Variants in STAU2 observed in about 807,000 individuals in gnomAD.
The protein encoded by STAU2 is double-stranded RNA-binding protein Staufen homolog 2.
STAU2 carries 20 observed loss-of-function variants against 65.9 expected under a neutral mutation model. The observed-to-expected ratio is 0.30, with a 90% CI of 0.21 to 0.44. The LOEUF is 0.44. Ranked by LOEUF, STAU2 falls within the 20% of genes least tolerant of loss-of-function variation. STAU2 has a pLI of 1.00. For missense variants in STAU2, 558 were observed against 683.9 expected, an observed-to-expected ratio of 0.82 and a Z score of 2.05; for synonymous variants, 232 against 233.9, an observed-to-expected ratio of 0.99 and a Z score of 0.07.
chr8:73,602,684 C>T (rs1811717914), intron 10 of STAU2, among the ~76,000 whole-genome samples: 1 of 151,158 alleles, frequency 6.6e-6, no homozygotes, highest in African/African-American at 2.4e-5. Context: ...GATCATGCCA[C>T]CGTACTCCAG....
intron 11 of STAU2, among the ~76,000 whole-genome samples, chr8:73,592,879 C>T (rs541585796): frequency 1.9e-4 from 29 of 152,148 alleles, no homozygotes; most frequent in African/African-American, 6.7e-4. Context: ...CAAAAAAATC[C>T]TGTTTTTGCT....
At chr8:73,608,499 C>G (rs1386824609) in intron 9 of STAU2, among the ~76,000 whole-genome samples, 2 of 150,920 alleles carry the variant, frequency 1.3e-5, no homozygotes, top group African/African-American at 4.9e-5. Context: ...CCCAGCTACT[C>G]AGGAGGCTGA....
chr8:73,464,819 A>G (rs1192180419), intron 13 of STAU2, among the ~76,000 whole-genome samples: 2 of 152,238 alleles, frequency 1.3e-5, no homozygotes, highest in African/African-American at 2.4e-5. Flanking sequence ...AGATGAAGTT[A>G]TATCACCAAC....
At chr8:73,430,391 T>A (rs1817175133) in intron 13 of STAU2, among the ~76,000 whole-genome samples, 1 of 152,154 alleles carries the variant, frequency 6.6e-6, no homozygotes, top group African/African-American at 2.4e-5. Flanking sequence ...GACAGAACCC[T>A]CAGAGCGGCT....
intron 11 of STAU2, among the ~76,000 whole-genome samples, chr8:73,586,646 C>CAAAAAAAAAAAAA (rs56687221): frequency 1.6e-5 from 1 of 62,740 alleles, no homozygotes; most frequent in African/African-American, 4.8e-5. Flanking sequence ...AAAAAAAATG[C>CAAAAAAAAAAAAA]AAAAAAAAAA....
chr8:73,589,946 A>G (rs566555471), intron 11 of STAU2, among the ~76,000 whole-genome samples: 16 of 151,616 alleles, frequency 1.1e-4, no homozygotes, highest in African/African-American at 3.6e-4. Context: ...GGAGGAGGAT[A>G]AAGAAGACAA....
At position 73,446,649 on chromosome 8, in the gene STAU2, A is replaced by AT. The variant is rs563537046; in HGVS notation, c.1531-23948dup. Among the ~76,000 whole-genome samples the AT allele has an allele frequency of 1.5e-4, 23 of 152,196 alleles. 1 individual carries two copies. The South Asian group carries it at 3.7e-3, about 25-fold the overall frequency. Reference sequence around the variant, plus strand: ...TACATTTTTAATTTAATTTAATTTAATTTTTTTTAAAGACTGGGTCTCACT... The same window carrying AT: ...TACATTTTTAATTTAATTTAATTTAATTTTTTTTTAAAGACTGGGTCTCACT... On this transcript the variant is annotated intron_variant, in intron 13 of 14. Coordinates refer to ENST00000524300, the MANE Select transcript of STAU2 (RefSeq NM_001164380.2).
At chr8:73,733,549 T>C (rs1384382593) in intron 3 of STAU2, among the ~76,000 whole-genome samples, 1 of 152,212 alleles carries the variant, frequency 6.6e-6, no homozygotes, top group African/African-American at 2.4e-5. Flanking sequence ...CTCCCGTTGG[T>C]TATCTGTTGA....
At chr8:73,747,280 C>T, upstream of STAU2, 2 of 1,348,704 alleles carry the variant, frequency 1.5e-6, no homozygotes, top group Non-Finnish European at 2.0e-6. Context: ...CAAGGGTGGG[C>T]CTGGGGCAGC....
intron 12 of STAU2, among the ~76,000 whole-genome samples, chr8:73,560,807 G>C (rs1471619565): frequency 6.6e-6 from 1 of 152,196 alleles, no homozygotes; most frequent in Non-Finnish European, 1.5e-5. Context: ...TTTCAAAAAT[G>C]TTTTAAAGAT....
At chr8:73,713,259 T>C (rs1428008046) in intron 3 of STAU2, among the ~76,000 whole-genome samples, 1 of 152,190 alleles carries the variant, frequency 6.6e-6, no homozygotes, top group Admixed American at 6.5e-5. Flanking sequence ...TCACAAAATG[T>C]CCTGGACTCT....
chr8:73,635,946 ACACACC>A (rs745470831), intron 6 of STAU2, among the ~76,000 whole-genome samples: 20,779 of 113,254 alleles, frequency 0.18, 1,701 homozygotes, highest in East Asian at 0.38. Context: ...ACACACACAC[ACACACC>A]CCTGGAACCA....
chr8:73,716,001 G>A (rs1586336396), intron 3 of STAU2, among the ~76,000 whole-genome samples: 4 of 152,028 alleles, frequency 2.6e-5, no homozygotes, highest in African/African-American at 4.8e-5. Context: ...TGCAAGCTCC[G>A]CCTCCCAAGC....
In STAU2 at chr8:73,592,005, T is replaced by C. The variant is rs1810854683; in HGVS notation, c.1161+3161A>G. On this transcript the variant is annotated intron_variant, in intron 11 of 14. Transcript: ENST00000524300. Reference sequence around the variant, plus strand: ...AGAAAAATTCACAGCATTAAATGCTTATATTAGAAAAAAGAAAGTTCTCAG... The same window carrying C: ...AGAAAAATTCACAGCATTAAATGCTCATATTAGAAAAAAGAAAGTTCTCAG... 3.3e-5 allele frequency among the ~76,000 whole-genome samples: 5 copies of C among 150,640 alleles called. No homozygotes were observed. The South Asian group carries it at 1.0e-3, about 32-fold the overall frequency.
At chr8:73,626,637 TA>T (rs1023175124) in intron 6 of STAU2, among the ~76,000 whole-genome samples, 5 of 152,180 alleles carry the variant, frequency 3.3e-5, no homozygotes, top group African/African-American at 4.8e-5. Flanking sequence ...CAATTTCACT[TA>T]AGGATTGTGG....
intron 13 of STAU2, among the ~76,000 whole-genome samples, chr8:73,536,086 A>C (rs1806161124): frequency 6.6e-6 from 1 of 152,198 alleles, no homozygotes; most frequent in Admixed American, 6.5e-5. Context: ...CAGACCATTT[A>C]TGATTTCCAC....
chr8:73,531,640 T>TA (rs961637448), intron 13 of STAU2, among the ~76,000 whole-genome samples: 2 of 152,134 alleles, frequency 1.3e-5, no homozygotes, highest in South Asian at 2.1e-4. Flanking sequence ...AACTGTGAAT[T>TA]AAAAAAAATA....
intron 12 of STAU2, among the ~76,000 whole-genome samples, chr8:73,557,675 A>T (rs1475761656): frequency 6.6e-6 from 1 of 152,204 alleles, no homozygotes; most frequent in Admixed American, 6.5e-5. Context: ...TGCTCAGGAT[A>T]AACTTTTTCT....
At chr8:73,610,250 T>C (rs1462010396) in intron 9 of STAU2, among the ~76,000 whole-genome samples, 1 of 146,084 alleles carries the variant, frequency 6.8e-6, no homozygotes, top group Non-Finnish European at 1.5e-5. Context: ...CACTCCAGCC[T>C]GGGCAACAAG....
Sources: allele counts gnomAD v4.1 joint callset (sites outside exome capture counted in the v4.1 genomes callset), GRCh38; gene constraint gnomAD v4.1.1; transcripts MANE v1.5; gene names NCBI Gene and HGNC (gene_info 2026-07-23, HGNC 2026-07-21).